The following KLHL28 variants were observed in gnomAD, a reference collection of about 807,000 sequenced individuals.
The protein encoded by KLHL28 is kelch like family member 28.
Under a neutral mutation model 48.3 loss-of-function variants are expected in KLHL28, and 22 were observed. The observed-to-expected ratio is 0.46, with a 90% CI of 0.33 to 0.65. The LOEUF (loss-of-function observed/expected upper bound fraction) is 0.65, where lower values mean the gene tolerates loss of function less well. Ranked by LOEUF, KLHL28 falls within the 30% of genes least tolerant of loss-of-function variation. The probability of loss-of-function intolerance (pLI) is 0.03; values close to 1 mark genes in which losing one functional copy is unlikely to be tolerated. For synonymous variants in KLHL28, 243 were observed against 242.4 expected (o/e 1.00, Z -0.02); for missense variants, 527 against 704.3 (o/e 0.75, Z 2.85).
chr14:44,929,334 G>T, intron 4 of KLHL28, 143 bp from the exon 5 acceptor site: 1 of 741,936 alleles, frequency 1.3e-6, no homozygotes. Context: ...ATATACAGTA[G>T]TCCTCCCTTT....
chr14:44,945,763 C>T lies in KLHL28; in HGVS notation c.166G>A (p.Val56Ile), dbSNP rs373899846. The change falls in exon 2 of 5, where the codon GTC (valine) becomes ATC (isoleucine). Residue 56 changes from valine to isoleucine, a missense_variant. Transcript: ENST00000396128. Reference protein sequence around the residue: ...IHAHKVVLASVSPYFKAMFTG... With the variant: ...IHAHKVVLASISPYFKAMFTG... ...AACATAGCTTTGAAATACGGGCTGA[C>T]GCTGGCAAGTACCACTTTGTGAGCA... 2.4e-5 allele frequency: 39 copies of T among 1,614,014 alleles called. No homozygotes were observed. In the Admixed American group the frequency reaches 5.0e-4, roughly 21 times the overall value.
chr14:44,941,458 G>C (rs1277081305), intron 2 of KLHL28, among the ~76,000 whole-genome samples: 1 of 151,582 alleles, frequency 6.6e-6, no homozygotes, highest in African/African-American at 2.4e-5. Context: ...GAGAAACCCT[G>C]TCTCTACTAA....
intron 1 of KLHL28, chr14:44,961,016 T>C (rs12147161): frequency 8.6e-5 from 62 of 724,904 alleles, no homozygotes; most frequent in Admixed American, 1.9e-4. Context: ...AAAAAATATC[T>C]CTTCCACACT....
At chr14:44,950,998 A>G (rs1884555935) in intron 1 of KLHL28, among the ~76,000 whole-genome samples, 1 of 152,248 alleles carries the variant, frequency 6.6e-6, no homozygotes, top group Non-Finnish European at 1.5e-5. Context: ...GGCTTATTAG[A>G]TTTAGATAGT....
chr14:44,930,259 C>T (rs917889031), intron 4 of KLHL28, among the ~76,000 whole-genome samples: 2 of 151,956 alleles, frequency 1.3e-5, no homozygotes, highest in African/African-American at 2.4e-5. Context: ...ATCCAATACC[C>T]AAAAAATATG....
chr14:44,957,949 C>T lies in KLHL28; in HGVS notation c.-1+3897G>A, dbSNP rs1006341876. 5.3e-5 allele frequency among the ~76,000 whole-genome samples: 8 copies of T among 151,686 alleles called. No homozygotes were observed. In the East Asian group the frequency reaches 1.4e-3, roughly 26 times the overall value. On this transcript the variant is annotated intron_variant, in intron 1 of 4. Coordinates refer to ENST00000396128, the MANE Select transcript of KLHL28 (RefSeq NM_017658.5). ...TTATAAAATAAATACACATTAGATA[C>T]AAAAATACACAGGGCTTTAAAATGA...
rs765996151 is a variant in KLHL28, at chr14:44,945,396, T to G, written c.533A>C (p.His178Pro). The G allele has an allele frequency of 1.6e-5, 26 of 1,614,170 alleles. No individual in the cohort carries two copies. The highest frequency in any genetic ancestry group is 2.2e-5 in the Non-Finnish European group (26 of 1,180,010). ...GGAAACAATTTCATCCAAGTCAGCA[T>G]GTGTAAGCTCAAAAAACTCTTCAGT... is the stretch of plus-strand genomic sequence containing the variant. ...CQTEEFFELT[H>P]ADLDEIVSND... is the part of the protein sequence containing the mutation. The change falls in exon 2 of 5, where the codon CAT becomes CCT. Residue 178 changes from histidine (H) to proline (P), a missense_variant. Transcript: ENST00000396128.
At chr14:44,939,164 A>C (rs1234643646) in intron 2 of KLHL28, among the ~76,000 whole-genome samples, 1 of 152,192 alleles carries the variant, frequency 6.6e-6, no homozygotes, top group Non-Finnish European at 1.5e-5. Context: ...GGGAAGCTAC[A>C]CTAGAATGTG....
At chr14:44,936,215 A>G in intron 2 of KLHL28, among the ~76,000 whole-genome samples, 1 of 152,084 alleles carries the variant, frequency 6.6e-6, no homozygotes, top group East Asian at 1.9e-4. Flanking sequence ...ATATGAGCAG[A>G]TAGCTATGAA....
chr14:44,947,560 A>G (rs1427691200), intron 1 of KLHL28, among the ~76,000 whole-genome samples: 2 of 152,224 alleles, frequency 1.3e-5, no homozygotes, highest in African/African-American at 4.8e-5. Context: ...TGTCTCACTC[A>G]CATTTCAATC....
chr14:44,945,796 T>C lies in KLHL28; in HGVS notation c.133A>G (p.Lys45Glu). ...CDIILRVGDV[K>E]IHAHKVVLAS... Reference sequence around the variant, plus strand: ...AGTACCACTTTGTGAGCATGAATTTTAACATCACCTACTCGAAGAATGATG... The same window carrying C: ...AGTACCACTTTGTGAGCATGAATTTCAACATCACCTACTCGAAGAATGATG... Residue 45 changes from lysine (K) to glutamate (E), a missense_variant, in exon 2 of 5, where the codon AAA becomes GAA. Coordinates refer to ENST00000396128, the MANE Select transcript of KLHL28 (RefSeq NM_017658.5). The C allele has an allele frequency of 6.2e-7, 1 of 1,614,206 alleles. No individual in the cohort carries two copies. Among genetic ancestry groups the C allele is most frequent in the Non-Finnish European group, 8.5e-7 (1 of 1,180,030 alleles).
At chr14:44,935,906 T>TATATATATA (rs1429152138) in intron 2 of KLHL28, among the ~76,000 whole-genome samples, 16 of 13,876 alleles carry the variant, frequency 1.2e-3, no homozygotes, top group South Asian at 3.4e-3. Flanking sequence ...ATATATATCT[T>TATATATATA]TACCCTCCCC....
intron 2 of KLHL28, among the ~76,000 whole-genome samples, chr14:44,935,864 G>GTGTATATATATATATATA (rs1566564854): frequency 4.2e-5 from 2 of 47,812 alleles, no homozygotes; most frequent in Non-Finnish European, 1.1e-4. Flanking sequence ...GTATGTATGT[G>GTGTATATATATATATATA]TATGTGTATG....
chr14:44,931,224 T>G, intron 4 of KLHL28, 109 bp downstream of exon 4: 1 of 595,698 alleles, frequency 1.7e-6, no homozygotes, highest in Non-Finnish European at 2.7e-6. Flanking sequence ...TTTTTTTTTT[T>G]CTGGACAAGT....
Position 44,927,319 on chromosome 14 carries a change from A to C in KLHL28, c.*1709T>G, listed in dbSNP as rs942040969. 2 of 152,754 alleles carry C rather than the reference A, an allele frequency of 1.3e-5. No individual in the cohort carries two copies. The highest frequency in any genetic ancestry group is 1.3e-4 in the Admixed American group (2 of 15,302). 9.5% of individuals were successfully genotyped at this position (152,754 alleles called of 1,614,324 possible). On this transcript the variant is annotated 3_prime_UTR_variant, in exon 5 of 5. Coordinates refer to ENST00000396128, the MANE Select transcript of KLHL28 (RefSeq NM_017658.5). ...AATTGCCCGGCTATAGTATTCAAGA[A>C]ATAAACATATATACTAACAAATGAA... is the stretch of plus-strand genomic sequence containing the variant.
At chr14:44,946,327 G>C (rs1884334431) in intron 1 of KLHL28, among the ~76,000 whole-genome samples, 1 of 152,124 alleles carries the variant, frequency 6.6e-6, no homozygotes, top group East Asian at 1.9e-4. Flanking sequence ...ATTATATGTA[G>C]AACAAACAAC....
chr14:44,934,036 G>A (rs1320058521), intron 3 of KLHL28, 79 bp downstream of exon 3: 1 of 1,164,170 alleles, frequency 8.6e-7, no homozygotes, highest in African/African-American at 1.6e-5. Flanking sequence ...CACACAAATT[G>A]TTTAAAACTC....
Position 44,928,057 on chromosome 14 carries a change from C to G in KLHL28, c.*971G>C, listed in dbSNP as rs935158977. The G allele has an allele frequency of 6.6e-6, 1 of 152,488 alleles. No individual in the cohort carries two copies. Among genetic ancestry groups the G allele is most frequent in the East Asian group, 1.9e-4 (1 of 5,196 alleles). The allele number at this position is 152,488 out of a possible 1,614,324, so 9.4% of individuals were successfully genotyped here. A position where few individuals can be genotyped will look rare whatever the true frequency, so the allele number is the denominator to read the frequency against. On this transcript the variant is annotated 3_prime_UTR_variant, in exon 5 of 5. Transcript: ENST00000396128. Reference sequence around the variant, plus strand: ...GTCATGCATATCTCATACTGAACATCCAAAAGGACATCAGTTATAGCCTTG... The same window carrying G: ...GTCATGCATATCTCATACTGAACATGCAAAAGGACATCAGTTATAGCCTTG...
chr14:44,934,880 T>C (rs536818394), intron 2 of KLHL28, among the ~76,000 whole-genome samples: 1 of 152,314 alleles, frequency 6.6e-6, no homozygotes, highest in Non-Finnish European at 1.5e-5. Flanking sequence ...TCTGAATGTC[T>C]ATTATAATTT....
Sources: allele counts gnomAD v4.1 joint callset (sites outside exome capture counted in the v4.1 genomes callset), GRCh38; gene constraint gnomAD v4.1.1; transcripts MANE v1.5; gene names NCBI Gene and HGNC (gene_info 2026-07-23, HGNC 2026-07-21).